Variants in SDK1 observed in about 807,000 individuals in gnomAD.
The protein encoded by SDK1 is protein sidekick-1.
SDK1 carries 157 observed loss-of-function variants against 245.5 expected under a neutral mutation model. That is an observed-to-expected ratio of 0.64 (90% CI 0.56 to 0.73). SDK1 has a LOEUF of 0.73. Among genes scored for constraint, SDK1 ranks in the 30% least tolerant of loss-of-function variants. The pLI, the probability that SDK1 is intolerant of heterozygous loss-of-function variation, is 0.00. For synonymous variants in SDK1, 1,647 were observed against 1,278.5 expected (o/e 1.29, Z -6.15); for missense variants, 3,583 against 3,002.3 (o/e 1.19, Z -4.52).
At chr7:4,176,154 T>C (rs10239766) in intron 34 of SDK1, among the ~76,000 whole-genome samples, 1 of 151,972 alleles carries the variant, frequency 6.6e-6, no homozygotes, top group Non-Finnish European at 1.5e-5. Context: ...TTTTTTCTTT[T>C]CTTTTCTTTA....
chr7:4,094,880 C>T (rs952691188), intron 22 of SDK1, among the ~76,000 whole-genome samples: 4 of 152,160 alleles, frequency 2.6e-5, no homozygotes, highest in African/African-American at 9.7e-5. Context: ...ACGGAGGTGA[C>T]ACATTGGTTT....
chr7:4,013,821 G>A (rs923124687), intron 16 of SDK1, among the ~76,000 whole-genome samples: 3 of 152,158 alleles, frequency 2.0e-5, no homozygotes, highest in African/African-American at 4.8e-5. Flanking sequence ...CTTTTGTCTC[G>A]AGGCTCCAAC....
chr7:3,642,003 A>G lies in SDK1; in HGVS notation c.611A>G (p.Gln204Arg), dbSNP rs768142886. The part of the protein sequence containing the change: ...MDTDQRKTVS[Q>R]GRAAILNLLP... Reference sequence around the variant, plus strand: ...ACGGACCAGAGGAAAACAGTTTCTCAAGGACGTGCAGCGATTCTAAACCTG... The same window carrying G: ...ACGGACCAGAGGAAAACAGTTTCTCGAGGACGTGCAGCGATTCTAAACCTG... Residue 204 changes from glutamine (Q) to arginine (R), a missense_variant, in exon 4 of 45, where the codon CAA (glutamine) becomes CGA (arginine). By Grantham distance (43) the Gln-to-Arg change is conservative (BLOSUM62 1). Coordinates refer to ENST00000404826, the MANE Select transcript of SDK1 (RefSeq NM_152744.4). 2 of 1,613,842 alleles carry G rather than the reference A, an allele frequency of 1.2e-6. No individual in the cohort carries two copies. Among genetic ancestry groups the G allele is most frequent in the South Asian group, 1.1e-5 (1 of 91,064 alleles).
chr7:3,388,398 A>G (rs1781662761), intron 1 of SDK1, among the ~76,000 whole-genome samples: 1 of 152,096 alleles, frequency 6.6e-6, no homozygotes, highest in Non-Finnish European at 1.5e-5. Context: ...TTAAAAAAAA[A>G]AAAGGAAAAT....
At chr7:4,002,896 G>A (rs1785180216) in intron 14 of SDK1, among the ~76,000 whole-genome samples, 1 of 152,238 alleles carries the variant, frequency 6.6e-6, no homozygotes, top group Admixed American at 6.5e-5. Context: ...AGAGCTCCAG[G>A]TCGCTCTGTT....
At chr7:3,552,279 G>A (rs968276946) in intron 1 of SDK1, among the ~76,000 whole-genome samples, 1 of 152,144 alleles carries the variant, frequency 6.6e-6, no homozygotes, top group Non-Finnish European at 1.5e-5. Context: ...CTGACCTTGT[G>A]ATCCACCCGC....
chr7:3,884,970 T>C (rs1781302391), intron 5 of SDK1, among the ~76,000 whole-genome samples: 1 of 152,164 alleles, frequency 6.6e-6, no homozygotes, highest in African/African-American at 2.4e-5. Flanking sequence ...CTGCGCAAAT[T>C]GGAAAGGAGA....
chr7:3,604,903 C>T (rs1781373326), intron 1 of SDK1, among the ~76,000 whole-genome samples: 1 of 151,936 alleles, frequency 6.6e-6, no homozygotes, highest in African/African-American at 2.4e-5. Context: ...TGTCCAGCCC[C>T]AAACATTTTT....
intron 4 of SDK1, among the ~76,000 whole-genome samples, chr7:3,671,620 G>A (rs1425054251): frequency 6.6e-6 from 1 of 152,154 alleles, no homozygotes; most frequent in South Asian, 2.1e-4. Flanking sequence ...AAAAATCCAA[G>A]TGAAGAGTGT....
intron 5 of SDK1, among the ~76,000 whole-genome samples, chr7:3,948,251 C>CTTTTTTTTTTT (rs34746302): frequency 2.5e-5 from 2 of 79,668 alleles, no homozygotes; most frequent in Non-Finnish European, 2.2e-5. Flanking sequence ...ATCACCATTG[C>CTTTTTTTTTTT]TTTTTTTTTT....
intron 1 of SDK1, among the ~76,000 whole-genome samples, chr7:3,356,880 A>AC (rs1379252409): frequency 6.6e-6 from 1 of 151,788 alleles, no homozygotes; most frequent in Non-Finnish European, 1.5e-5. Context: ...ACATGGTGAA[A>AC]CCCCATCTCT....
At chr7:3,842,004 C>T (rs1780170522) in intron 5 of SDK1, among the ~76,000 whole-genome samples, 1 of 152,236 alleles carries the variant, frequency 6.6e-6, no homozygotes, top group South Asian at 2.1e-4. Flanking sequence ...ACCTCTCCTC[C>T]ACCTCCATGG....
chr7:3,627,391 G>A (rs1782154844), intron 2 of SDK1, among the ~76,000 whole-genome samples: 2 of 152,188 alleles, frequency 1.3e-5, no homozygotes, highest in Admixed American at 1.3e-4. Flanking sequence ...ATTCTGTGCA[G>A]GCTGCCACGT....
At chr7:3,912,492 G>A (rs1779209006) in intron 5 of SDK1, among the ~76,000 whole-genome samples, 1 of 152,242 alleles carries the variant, frequency 6.6e-6, no homozygotes, top group African/African-American at 2.4e-5. Context: ...GAAGCAAGAA[G>A]AAAGGCCAGT....
At chr7:3,817,903 C>T (rs1779549533) in intron 4 of SDK1, among the ~76,000 whole-genome samples, 1 of 152,212 alleles carries the variant, frequency 6.6e-6, no homozygotes, top group Non-Finnish European at 1.5e-5. Context: ...TACTGAACTG[C>T]ACAGATACTT....
chr7:3,709,817 C>A (rs986419593), intron 4 of SDK1, among the ~76,000 whole-genome samples: 1 of 152,106 alleles, frequency 6.6e-6, no homozygotes, highest in Non-Finnish European at 1.5e-5. Context: ...GAACTTGGCC[C>A]ACCAAAGGGT....
intron 3 of SDK1, among the ~76,000 whole-genome samples, chr7:3,641,608 T>C (rs1371320164): frequency 1.3e-5 from 2 of 152,358 alleles, no homozygotes; most frequent in Admixed American, 6.5e-5. Flanking sequence ...ACACATTTTC[T>C]GACAGTTTCT....
chr7:4,212,746 C>A (rs1784573259), intron 38 of SDK1, among the ~76,000 whole-genome samples: 1 of 152,222 alleles, frequency 6.6e-6, no homozygotes, highest in Non-Finnish European at 1.5e-5. Flanking sequence ...TTACAAATGC[C>A]TTTTCAAGGG....
At chr7:3,472,420 T>C (rs1205651062) in intron 1 of SDK1, among the ~76,000 whole-genome samples, 1 of 152,058 alleles carries the variant, frequency 6.6e-6, no homozygotes, top group African/African-American at 2.4e-5. Context: ...CCTGAAGAGG[T>C]TTACGATCTA....
Sources: gnomAD v4.1 joint callset for allele counts (sites outside exome capture counted in the v4.1 genomes callset) on GRCh38, gnomAD v4.1.1 for gene constraint, MANE v1.5 for transcripts, NCBI Gene and HGNC (gene_info 2026-07-23, HGNC 2026-07-21) for gene names.